The following WAC variants were observed in gnomAD, a reference collection of about 807,000 sequenced individuals.
The protein encoded by WAC is WW domain-containing adapter protein with coiled-coil.
Under a neutral mutation model 79.6 loss-of-function variants are expected in WAC, and 11 were observed. The ratio of observed to expected loss-of-function variants is 0.14; its 90% CI spans 0.09 to 0.23. The LOEUF (loss-of-function observed/expected upper bound fraction) is 0.23, where lower values mean the gene tolerates loss of function less well. Ranked by LOEUF, WAC falls within the 10% of genes least tolerant of loss-of-function variation. The pLI is 1.00. For synonymous variants in WAC, 304 were observed against 276.9 expected, an observed-to-expected ratio of 1.10 and a Z score of -0.97; for missense variants, 728 against 773.5, an observed-to-expected ratio of 0.94 and a Z score of 0.70.
rs112475517 is a variant in WAC, at chr10:28,585,544, C to CTTTTTTTTT, written c.381+2045_381+2053dup. 3.3e-4 allele frequency among the ~76,000 whole-genome samples: 46 copies of CTTTTTTTTT among 141,268 alleles called. No homozygotes were observed. The East Asian group carries it at 6.1e-3, about 19-fold the overall frequency. 92.7% of individuals were successfully genotyped at this position (141,268 alleles called of 152,430 possible). A position where few individuals can be genotyped will look rare whatever the true frequency, so the allele number is the denominator to read the frequency against. On this transcript the variant is annotated intron_variant, in intron 4 of 13. Transcript: ENST00000354911. ...TGATGGGTCATTTTCTTTTTCCTTT[C>CTTTTTTTTT]TTTTTTTTTTTTTTCCAAGTAGGGA...
chr10:28,611,582 A>G, intron 9 of WAC, 192 bp from the exon 10 acceptor site: 2 of 1,250,528 alleles, frequency 1.6e-6, no homozygotes, highest in Non-Finnish European at 1.1e-6. Context: ...CTCTGAACAC[A>G]CAGCTCACTT....
chr10:28,541,420 GTTTTTTTTTTTTT>G (rs869099181), intron 3 of WAC, among the ~76,000 whole-genome samples: 6 of 49,210 alleles, frequency 1.2e-4, no homozygotes, highest in South Asian at 9.0e-4. Context: ...TGTGTGTTTT[GTTTTTTTTTTTTT>G]TTTTTTTTTT....
chr10:28,578,568 C>T (rs560812135), intron 3 of WAC, among the ~76,000 whole-genome samples: 7 of 152,020 alleles, frequency 4.6e-5, no homozygotes, highest in Admixed American at 3.9e-4. Context: ...GTTGTATGTC[C>T]TCCCTCTGCT....
At chr10:28,551,699 G>C (rs1837677434) in intron 3 of WAC, among the ~76,000 whole-genome samples, 1 of 151,182 alleles carries the variant, frequency 6.6e-6, no homozygotes. Flanking sequence ...AATGCTGTAG[G>C]ATCTGAAATT....
intron 3 of WAC, among the ~76,000 whole-genome samples, chr10:28,551,708 T>C (rs1837677941): frequency 6.6e-6 from 1 of 152,000 alleles, no homozygotes; most frequent in Admixed American, 6.6e-5. Flanking sequence ...GGATCTGAAA[T>C]TGTTTTTCAG....
intron 3 of WAC, among the ~76,000 whole-genome samples, chr10:28,544,441 G>A (rs921654768): frequency 2.6e-5 from 4 of 152,130 alleles, no homozygotes; most frequent in African/African-American, 9.7e-5. Context: ...TAATTTCTGA[G>A]TGTTTGTGTC....
chr10:28,552,732 A>G (rs1158356339), intron 3 of WAC, among the ~76,000 whole-genome samples: 1 of 152,106 alleles, frequency 6.6e-6, no homozygotes, highest in Non-Finnish European at 1.5e-5. Flanking sequence ...TGTTAACTCG[A>G]TAACAAGAAT....
chr10:28,601,686 G>C (rs1840657308), intron 7 of WAC, among the ~76,000 whole-genome samples: 2 of 152,134 alleles, frequency 1.3e-5, no homozygotes, highest in Admixed American at 1.3e-4. Context: ...GATACGACGT[G>C]ATACATAGAC....
At chr10:28,533,003 C>G (rs1344049034), upstream of WAC, 1 of 154,094 alleles carries the variant, frequency 6.5e-6, no homozygotes, top group East Asian at 1.9e-4. Flanking sequence ...CCGGAGCCAG[C>G]CGAGGTTTGC....
chr10:28,563,080 T>G (rs886064441), intron 3 of WAC, among the ~76,000 whole-genome samples: 6 of 152,212 alleles, frequency 3.9e-5, no homozygotes, highest in South Asian at 2.1e-4. Context: ...TTCAATTTTA[T>G]TTTTTGTAGA....
chr10:28,549,874 T>C (rs1268882715), intron 3 of WAC, among the ~76,000 whole-genome samples: 1 of 152,140 alleles, frequency 6.6e-6, no homozygotes, highest in Admixed American at 6.6e-5. Context: ...TTAAAGAGTT[T>C]TAAGTTTTGG....
At chr10:28,538,251 T>C in intron 3 of WAC, 1 of 246,310 alleles carries the variant, frequency 4.1e-6, no homozygotes, top group South Asian at 3.4e-5. Context: ...TGTATGATTT[T>C]TATTGCAGGC....
chr10:28,599,112 A>G (rs911339631), intron 7 of WAC, among the ~76,000 whole-genome samples: 2 of 152,174 alleles, frequency 1.3e-5, no homozygotes, highest in Non-Finnish European at 2.9e-5. Flanking sequence ...GGAGACATCC[A>G]TGTTATTTAA....
At chr10:28,618,846 CTCTTTACTGTATA>C (rs1841584836) in intron 13 of WAC, among the ~76,000 whole-genome samples, 1 of 152,160 alleles carries the variant, frequency 6.6e-6, no homozygotes, top group South Asian at 2.1e-4. Flanking sequence ...GTTAATTCTA[CTCTTTACTGTATA>C]GTGGGCCAGA....
At chr10:28,591,605 C>T (rs1347055465) in intron 6 of WAC, 1 of 152,286 alleles carries the variant, frequency 6.6e-6, no homozygotes, top group Non-Finnish European at 1.5e-5. Context: ...ATGCCTGCTG[C>T]AATCCCAGCC....
intron 3 of WAC, among the ~76,000 whole-genome samples, chr10:28,578,483 C>T (rs1194913929): frequency 6.6e-6 from 1 of 152,070 alleles, no homozygotes; most frequent in Non-Finnish European, 1.5e-5. Flanking sequence ...TATTTTGCTC[C>T]TGAGTAGACT....
chr10:28,557,775 TAAG>T (rs1197666586), intron 3 of WAC, among the ~76,000 whole-genome samples: 2 of 152,122 alleles, frequency 1.3e-5, no homozygotes, highest in Admixed American at 1.3e-4. Context: ...TGATAGATGT[TAAG>T]AAAATACTCT....
chr10:28,547,917 T>C (rs1427710377), intron 3 of WAC, among the ~76,000 whole-genome samples: 2 of 141,770 alleles, frequency 1.4e-5, no homozygotes, highest in Non-Finnish European at 1.5e-5. Flanking sequence ...CTCTTTTTCT[T>C]TTTTTTTTTT....
chr10:28,547,962 T>C (rs115911739), intron 3 of WAC, among the ~76,000 whole-genome samples: 3,155 of 149,984 alleles, frequency 0.021, 115 homozygotes, highest in African/African-American at 0.074. Context: ...CTCTTGTTGC[T>C]GAACCTGGAG....
Sources: gnomAD v4.1 joint callset for allele counts (sites outside exome capture counted in the v4.1 genomes callset) on GRCh38, gnomAD v4.1.1 for gene constraint, MANE v1.5 for transcripts, NCBI Gene and HGNC (gene_info 2026-07-23, HGNC 2026-07-21) for gene names.